Variants in DCC observed in about 807,000 individuals in gnomAD.
DCC encodes the protein DCC netrin 1 receptor.
A neutral mutation model predicts 172.5 loss-of-function variants in DCC; 58 were observed. The ratio of observed to expected loss-of-function variants is 0.34; its 90% CI spans 0.27 to 0.42. The LOEUF is 0.42. Ranked by LOEUF, DCC falls within the 10% of genes least tolerant of loss-of-function variation. The pLI, the probability that DCC is intolerant of heterozygous loss-of-function variation, is 1.00. For missense variants in DCC, 1,740 were observed against 1,791.0 expected, an observed-to-expected ratio of 0.97 and a Z score of 0.51; for synonymous variants, 709 against 644.5, an observed-to-expected ratio of 1.10 and a Z score of -1.52.
At chr18:52,523,773 G>T (rs1482492185) in intron 1 of DCC, among the ~76,000 whole-genome samples, 1 of 152,140 alleles carries the variant, frequency 6.6e-6, no homozygotes, top group East Asian at 1.9e-4. Flanking sequence ...TTTGGCATGG[G>T]ATCAATAACT....
chr18:52,548,087 A>T (rs1191993065), intron 1 of DCC, among the ~76,000 whole-genome samples: 2 of 152,122 alleles, frequency 1.3e-5, no homozygotes, highest in African/African-American at 2.4e-5. Flanking sequence ...GAATATCTAA[A>T]ACCTTCTATT....
At chr18:53,483,841 TG>T in intron 25 of DCC, among the ~76,000 whole-genome samples, 1 of 152,004 alleles carries the variant, frequency 6.6e-6, no homozygotes, top group South Asian at 2.1e-4. Flanking sequence ...ATGACATGAA[TG>T]GGGCTTTTTG....
At chr18:53,340,008 A>G (rs2057637819) in intron 15 of DCC, 101 bp downstream of exon 15, 6 of 1,001,988 alleles carry the variant, frequency 6.0e-6, no homozygotes, top group Admixed American at 2.0e-5. Context: ...GATGGTTTCA[A>G]CTTACAGCAT....
At chr18:52,748,808 C>T (rs895218820) in intron 1 of DCC, among the ~76,000 whole-genome samples, 1 of 152,190 alleles carries the variant, frequency 6.6e-6, no homozygotes, top group Admixed American at 6.5e-5. Context: ...TGGGTAGTCC[C>T]CAGGTGTGGC....
At chr18:52,969,842 G>C (rs72926184) in intron 5 of DCC, among the ~76,000 whole-genome samples, 5,424 of 152,116 alleles carry the variant, frequency 0.036, 139 homozygotes, top group African/African-American at 0.055. Flanking sequence ...ACATATGACT[G>C]GTTTCATTGT....
rs531884383 is a variant in DCC at position 52,834,477 on chromosome 18, C to T, written c.413-71567C>T. ...TGGGTGAGTCTGATATTCACTGAAA[C>T]TTGAGAACCACTAATCCCAGGCAAC... On this transcript the variant is annotated intron_variant, in intron 2 of 28. Coordinates refer to ENST00000442544, the MANE Select transcript of DCC (RefSeq NM_005215.4). 1.1e-3 allele frequency among the ~76,000 whole-genome samples: 167 copies of T among 152,260 alleles called. 1 individual carries two copies. The highest frequency in any genetic ancestry group is 2.0e-3 in the Non-Finnish European group (134 of 68,020).
At chr18:52,385,175 G>A (rs1229988525) in intron 1 of DCC, among the ~76,000 whole-genome samples, 1 of 152,130 alleles carries the variant, frequency 6.6e-6, no homozygotes, top group Non-Finnish European at 1.5e-5. Flanking sequence ...AAACGGGAAT[G>A]CACTTGTCTG....
At chr18:53,222,391 T>C (rs1365188863) in intron 12 of DCC, among the ~76,000 whole-genome samples, 5 of 130,340 alleles carry the variant, frequency 3.8e-5, no homozygotes, top group South Asian at 2.3e-4. Context: ...TTCTTTTTTT[T>C]TTTTTTTTTT....
At chr18:53,472,707 T>C (rs1441278511) in intron 25 of DCC, among the ~76,000 whole-genome samples, 1 of 152,158 alleles carries the variant, frequency 6.6e-6, no homozygotes, top group African/African-American at 2.4e-5. Flanking sequence ...CCAAGACAGC[T>C]TCCTAGCTAA....
intron 2 of DCC, among the ~76,000 whole-genome samples, chr18:52,760,811 C>T (rs1377921233): frequency 2.0e-5 from 3 of 152,178 alleles, no homozygotes; most frequent in Admixed American, 6.5e-5. Context: ...AGAGTGTGTC[C>T]TGGAAGCCAA....
chr18:52,677,926 G>A (rs2035674478), intron 1 of DCC, among the ~76,000 whole-genome samples: 2 of 152,106 alleles, frequency 1.3e-5, no homozygotes, highest in African/African-American at 4.8e-5. Flanking sequence ...CCACCATTCT[G>A]AAAACAAATA....
chr18:53,290,075 C>T (rs2056983380), intron 12 of DCC, among the ~76,000 whole-genome samples: 1 of 152,146 alleles, frequency 6.6e-6, no homozygotes. Context: ...TTGTATATGA[C>T]ACTATTTTTA....
At chr18:52,418,843 T>A (rs1266841873) in intron 1 of DCC, among the ~76,000 whole-genome samples, 2 of 125,746 alleles carry the variant, frequency 1.6e-5, no homozygotes, top group African/African-American at 5.6e-5. Flanking sequence ...TTTCTTTTTC[T>A]TTCTTTCTTT....
rs559495725 is a variant in DCC at position 53,409,335 on chromosome 18, A to G, written c.2936-1117A>G. On this transcript the variant is annotated intron_variant, in intron 19 of 28. Coordinates refer to ENST00000442544, the MANE Select transcript of DCC (RefSeq NM_005215.4). ...GTCCAGCTGGGACAAGAGGGACTCAAAAGGAAAGAATAGGTAAATCAAAGG... is the reference window on the plus strand; with the variant it reads ...GTCCAGCTGGGACAAGAGGGACTCAGAAGGAAAGAATAGGTAAATCAAAGG... 5.9e-5 allele frequency among the ~76,000 whole-genome samples: 9 copies of G among 152,296 alleles called. No homozygotes were observed. The South Asian group carries it at 1.7e-3, about 28-fold the overall frequency.
intron 5 of DCC, among the ~76,000 whole-genome samples, chr18:53,035,109 T>C (rs1410518681): frequency 6.6e-6 from 1 of 152,078 alleles, no homozygotes; most frequent in African/African-American, 2.4e-5. Context: ...GCATGTAATA[T>C]GTAATGATCA....
intron 14 of DCC, among the ~76,000 whole-genome samples, chr18:53,329,381 A>G (rs1404546044): frequency 1.3e-5 from 2 of 152,012 alleles, no homozygotes; most frequent in East Asian, 3.8e-4. Flanking sequence ...GAATATTACA[A>G]GACACTGCAC....
chr18:52,950,848 C>A (rs1276042434), intron 5 of DCC, among the ~76,000 whole-genome samples: 2 of 139,448 alleles, frequency 1.4e-5, no homozygotes, highest in South Asian at 2.4e-4. Flanking sequence ...TGGCGTGAAC[C>A]CGGGAGGCGG....
At chr18:53,033,115 A>G (rs369394144) in intron 5 of DCC, among the ~76,000 whole-genome samples, 21 of 152,236 alleles carry the variant, frequency 1.4e-4, no homozygotes, top group African/African-American at 4.6e-4. Flanking sequence ...AAGGGAATAC[A>G]ATGACTTATA....
chr18:52,642,255 T>A (rs549695029), intron 1 of DCC, among the ~76,000 whole-genome samples: 12 of 151,886 alleles, frequency 7.9e-5, no homozygotes, highest in African/African-American at 2.9e-4. Flanking sequence ...CTCACTCATA[T>A]GTGCGAGCTA....
Sources: allele counts gnomAD v4.1 joint callset (sites outside exome capture counted in the v4.1 genomes callset), GRCh38; gene constraint gnomAD v4.1.1; transcripts MANE v1.5; gene names NCBI Gene and HGNC (gene_info 2026-07-23, HGNC 2026-07-21).